The following TRAPPC3L variants were observed in gnomAD, a reference collection of about 807,000 sequenced individuals.
TRAPPC3L encodes the protein trafficking protein particle complex subunit 3L, also known as trafficking protein particle complex subunit 3-like protein.
A neutral mutation model predicts 23.7 loss-of-function variants in TRAPPC3L; 23 were observed. The observed-to-expected ratio is 0.97, with a 90% CI of 0.70 to 1.37. The LOEUF (loss-of-function observed/expected upper bound fraction) is 1.37. TRAPPC3L is among the 40% of genes most tolerant of loss of function. TRAPPC3L has a pLI of 0.00. For missense variants in TRAPPC3L, 212 were observed against 216.8 expected, an observed-to-expected ratio of 0.98 and a Z score of 0.14; for synonymous variants, 81 against 77.9, an observed-to-expected ratio of 1.04 and a Z score of -0.21.
intron 3 of TRAPPC3L, chr6:116,516,660 A>AATATATATATAT (rs57050552): frequency 9.6e-6 from 1 of 104,390 alleles, no homozygotes; most frequent in Non-Finnish European, 1.9e-5. Flanking sequence ...AGTAGTAACA[A>AATATATATATAT]ATATATATAT....
chr6:116,512,931 C>T (rs1772152411), intron 3 of TRAPPC3L, among the ~76,000 whole-genome samples: 1 of 152,184 alleles, frequency 6.6e-6, no homozygotes, highest in African/African-American at 2.4e-5. Flanking sequence ...AAGATTTGGG[C>T]ATTGTTTTAT....
chr6:116,521,532 C>G (rs2753109), intron 3 of TRAPPC3L: 104,151 of 151,028 alleles, frequency 0.69, 36,124 homozygotes, highest in East Asian at 0.89. Context: ...GAGAGAGAGA[C>G]AGAGAGCAAA....
chr6:116,513,341 A>G (rs1772161926), intron 3 of TRAPPC3L, among the ~76,000 whole-genome samples: 1 of 152,212 alleles, frequency 6.6e-6, no homozygotes, highest in African/African-American at 2.4e-5. Context: ...CATAAAGCAC[A>G]TCTTAGATAA....
rs1773738500 is a variant in TRAPPC3L at position 116,545,634 on chromosome 6, G to C, written c.-120C>G. 5 of 829,802 alleles carry C rather than the reference G, an allele frequency of 6.0e-6. No individual in the cohort carries two copies. In the South Asian group the frequency reaches 1.0e-4, roughly 17 times the overall value. 51.4% of individuals were successfully genotyped at this position (829,802 alleles called of 1,614,324 possible). A position where few individuals can be genotyped will look rare whatever the true frequency, so the allele number is the denominator to read the frequency against. Reference sequence around the variant, plus strand: ...TAAGCTCTTCCTCGCTTTGAGACAGGAGTGCTGCTTCTGCACTCTGCTGCT... The same window carrying C: ...TAAGCTCTTCCTCGCTTTGAGACAGCAGTGCTGCTTCTGCACTCTGCTGCT... On this transcript the variant is annotated 5_prime_UTR_variant, in exon 1 of 5. Transcript: ENST00000368602.
intron 2 of TRAPPC3L, 27 bp from the exon 3 acceptor site, chr6:116,540,489 T>C: frequency 6.5e-7 from 1 of 1,544,104 alleles, no homozygotes; most frequent in Non-Finnish European, 8.8e-7. Context: ...GAGTGTGGTC[T>C]GAAAATTCTA....
rs1773737539 is a variant in TRAPPC3L, at chr6:116,545,623, C to A, written c.-109G>T. The A allele has an allele frequency of 6.1e-6, 6 of 981,784 alleles. No individual in the cohort carries two copies. The East Asian group carries it at 1.4e-4, about 23-fold the overall frequency. The allele number at this position is 981,784 out of a possible 1,614,324, so 60.8% of individuals were successfully genotyped here. A position where few individuals can be genotyped will look rare whatever the true frequency, so the allele number is the denominator to read the frequency against. On this transcript the variant is annotated 5_prime_UTR_variant, in exon 1 of 5. Coordinates refer to ENST00000368602, the MANE Select transcript of TRAPPC3L (RefSeq NM_001139444.3). ...TTTTGTTTTTGTAAGCTCTTCCTCG[C>A]TTTGAGACAGGAGTGCTGCTTCTGC...
At position 116,500,594 on chromosome 6, in the gene TRAPPC3L, G is replaced by C; in HGVS notation, c.313C>G (p.Leu105Val). 6.4e-7 allele frequency: 1 copy of C among 1,551,656 alleles called. No homozygotes were observed. The highest frequency in any genetic ancestry group is 8.7e-7 in the Non-Finnish European group (1 of 1,146,980). The change falls in exon 4 of 5, where the codon CTG becomes GTG. Residue 105 changes from leucine (L) to valine (V), a missense_variant. Physicochemically the swap from Leu to Val is conservative, Grantham distance 32 (BLOSUM62 1). Coordinates refer to ENST00000368602, the MANE Select transcript of TRAPPC3L (RefSeq NM_001139444.3). Reference protein sequence around the residue: ...CNNSSKNEFSLILEKNPLVEF... With the variant: ...CNNSSKNEFSVILEKNPLVEF... ...ACCAGGGGATTCTTCTCTAGAATCAGGGAAAATTCATTTTTGCTTGAATTG... is the reference window on the plus strand; with the variant it reads ...ACCAGGGGATTCTTCTCTAGAATCACGGAAAATTCATTTTTGCTTGAATTG...
intron 3 of TRAPPC3L, among the ~76,000 whole-genome samples, chr6:116,531,634 G>A (rs1205041009): frequency 6.6e-6 from 1 of 152,092 alleles, no homozygotes; most frequent in Non-Finnish European, 1.5e-5. Flanking sequence ...ACCTAAAGGA[G>A]TCTACCTAAC....
chr6:116,503,288 A>G (rs1338505428), intron 3 of TRAPPC3L, among the ~76,000 whole-genome samples: 5 of 152,230 alleles, frequency 3.3e-5, no homozygotes, highest in Non-Finnish European at 5.9e-5. Context: ...AGGCCATTAC[A>G]TAATGGTAAA....
chr6:116,522,586 A>C (rs1369833962), intron 3 of TRAPPC3L: 2 of 152,180 alleles, frequency 1.3e-5, no homozygotes, highest in Non-Finnish European at 2.9e-5. Context: ...CTCTCCACCA[A>C]AGCTGGAGAT....
intron 3 of TRAPPC3L, chr6:116,516,486 G>A (rs1180942087): frequency 2.0e-5 from 3 of 152,002 alleles, no homozygotes; most frequent in East Asian, 1.9e-4. Context: ...GAAGATCTCA[G>A]TTCTCAAAAA....
intron 3 of TRAPPC3L, chr6:116,512,249 A>T: frequency 6.3e-7 from 1 of 1,580,128 alleles, no homozygotes; most frequent in Middle Eastern, 1.7e-4. Flanking sequence ...AAGAAAAGAC[A>T]AACTCGCCTT....
At position 116,512,169 on chromosome 6, in the gene TRAPPC3L, G is replaced by A. The variant is rs747432345; in HGVS notation, c.241-11503C>T. The A allele has an allele frequency of 1.4e-5, 23 of 1,612,260 alleles. No individual in the cohort carries two copies. In the South Asian group the frequency reaches 2.3e-4, roughly 16 times the overall value. ...TGGGAAGAACTTCACAAAGTATCTT[G>A]TGGCAAAACTAGCATGCTACCTACC... is the stretch of plus-strand genomic sequence containing the variant. On this transcript the variant is annotated intron_variant, in intron 3 of 4. Coordinates refer to ENST00000368602, the MANE Select transcript of TRAPPC3L (RefSeq NM_001139444.3).
intron 4 of TRAPPC3L, among the ~76,000 whole-genome samples, chr6:116,500,277 C>G (rs1297798593): frequency 6.6e-6 from 1 of 152,224 alleles, no homozygotes; most frequent in East Asian, 1.9e-4. Context: ...CTTAGCTAAG[C>G]TGCTCCCAGA....
chr6:116,539,026 G>A lies in TRAPPC3L; in HGVS notation c.240+1337C>T, dbSNP rs76366707. Among the ~76,000 whole-genome samples, 9 of 152,138 alleles carry A rather than the reference G, an allele frequency of 5.9e-5. No individual in the cohort carries two copies. In the East Asian group the frequency reaches 1.7e-3, roughly 29 times the overall value. On this transcript the variant is annotated intron_variant, in intron 3 of 4. Transcript: ENST00000368602. Reference sequence around the variant, plus strand: ...GATGAATTTTGGCAAAGATCAAGAGGGAGTCATTCTCAAACCAATCTATCC... The same window carrying A: ...GATGAATTTTGGCAAAGATCAAGAGAGAGTCATTCTCAAACCAATCTATCC...
intron 3 of TRAPPC3L, chr6:116,517,198 T>C (rs575325417): frequency 1.1e-4 from 17 of 152,276 alleles, no homozygotes; most frequent in Admixed American, 3.9e-4. Context: ...GCTTGGGGGT[T>C]AAGATTTCAA....
At chr6:116,539,407 T>C (rs1210485587) in intron 3 of TRAPPC3L, among the ~76,000 whole-genome samples, 1 of 152,182 alleles carries the variant, frequency 6.6e-6, no homozygotes, top group Non-Finnish European at 1.5e-5. Context: ...ATAATATGAG[T>C]AAATGGAAAA....
At chr6:116,525,845 C>T (rs554458763) in intron 3 of TRAPPC3L, among the ~76,000 whole-genome samples, 367 of 152,278 alleles carry the variant, frequency 2.4e-3, no homozygotes, top group Non-Finnish European at 4.1e-3. Context: ...ATTGTAAAAA[C>T]ATTCTGTGCC....
chr6:116,524,473 G>C (rs145876634), intron 3 of TRAPPC3L: 2 of 152,150 alleles, frequency 1.3e-5, no homozygotes, highest in African/African-American at 4.8e-5. Flanking sequence ...GCCTGTTCTC[G>C]AATTGAAGGA....
Sources: gnomAD v4.1 joint callset for allele counts (sites outside exome capture counted in the v4.1 genomes callset) on GRCh38, gnomAD v4.1.1 for gene constraint, MANE v1.5 for transcripts, NCBI Gene and HGNC (gene_info 2026-07-23, HGNC 2026-07-21) for gene names.